The following PCTP variants were observed in gnomAD, a reference collection of about 807,000 sequenced individuals.
The protein encoded by PCTP is START domain-containing protein 2.
A neutral mutation model predicts 31.0 loss-of-function variants in PCTP; 27 were observed. That is an observed-to-expected ratio of 0.87 (90% CI 0.64 to 1.20). The LOEUF (loss-of-function observed/expected upper bound fraction) is 1.20, where lower values mean the gene tolerates loss of function less well. Among genes scored for constraint, PCTP ranks in the 50% most tolerant of loss-of-function variants. PCTP has a pLI of 0.00. For missense variants in PCTP, 287 were observed against 268.2 expected (o/e 1.07, Z -0.49); for synonymous variants, 108 against 101.2 (o/e 1.07, Z -0.40).
In PCTP at chr17:55,776,806, C is replaced by A; in HGVS notation, c.*706C>A. On this transcript the variant is annotated 3_prime_UTR_variant, in exon 6 of 6. Coordinates refer to ENST00000268896, the MANE Select transcript of PCTP (RefSeq NM_021213.4). ...GACAACCACATTTTTCCTCATCATC[C>A]ATGAGGAAATGGATGATTTCTCTTT... 9.5e-7 allele frequency: 1 copy of A among 1,048,104 alleles called. No individual in the cohort carries two copies. The highest frequency in any genetic ancestry group is 1.7e-5 in the African/African-American group (1 of 59,858). The allele number at this position is 1,048,104 out of a possible 1,614,324, so 64.9% of individuals were successfully genotyped here. A position where few individuals can be genotyped will look rare whatever the true frequency, so the allele number is the denominator to read the frequency against.
intron 1 of PCTP, among the ~76,000 whole-genome samples, chr17:55,765,017 G>C (rs1384894521): frequency 2.0e-5 from 3 of 152,178 alleles, no homozygotes; most frequent in African/African-American, 7.2e-5. Context: ...GACCCTCATG[G>C]ACAAGAATAT....
chr17:55,776,958 A>G lies in PCTP; in HGVS notation c.*858A>G. ...ATGCTTTGTGCATAGCCTTGTGAAA[A>G]AGTATCTTTCTATGCAATAAGATGA... is the stretch of plus-strand genomic sequence containing the variant. On this transcript the variant is annotated 3_prime_UTR_variant, in exon 6 of 6. Transcript: ENST00000268896. 1.0e-6 allele frequency: 1 copy of G among 986,048 alleles called. No homozygotes were observed. Among genetic ancestry groups the G allele is most frequent in the Non-Finnish European group, 1.2e-6 (1 of 830,366 alleles). 61.1% of individuals were successfully genotyped at this position (986,048 alleles called of 1,614,324 possible).
the PCTP span, among the ~76,000 whole-genome samples, chr17:55,852,542 A>T: frequency 2.6e-5 from 4 of 152,314 alleles, no homozygotes; most frequent in Non-Finnish European, 5.9e-5. Flanking sequence ...TTTACTGTAC[A>T]ATAGTTAATT....
chr17:55,811,446 G>GT (rs1912748245), intron 3 of PCTP, among the ~76,000 whole-genome samples: 1 of 152,154 alleles, frequency 6.6e-6, no homozygotes, highest in African/African-American at 2.4e-5. Context: ...CCTAGGCAGT[G>GT]TAAGAGATAG....
intron 2 of PCTP, among the ~76,000 whole-genome samples, chr17:55,784,131 C>T (rs1410052073): frequency 6.6e-6 from 1 of 152,078 alleles, no homozygotes; most frequent in Non-Finnish European, 1.5e-5. Context: ...CATCATTGGG[C>T]GAGGTGGCCT....
intron 3 of PCTP, among the ~76,000 whole-genome samples, chr17:55,794,308 T>C (rs1912109171): frequency 6.6e-6 from 1 of 150,576 alleles, no homozygotes; most frequent in South Asian, 2.1e-4. Flanking sequence ...AGTCTTCTTC[T>C]TTTTTTTTAA....
At chr17:55,842,748 T>C (rs1403838227) in exon 6 of PCTP, 1 of 152,262 alleles carries the variant, frequency 6.6e-6, no homozygotes, top group Non-Finnish European at 1.5e-5. Flanking sequence ...TACTCTTCAG[T>C]GGCTTTGTTT....
chr17:55,751,809 A>G (rs541678861), intron 1 of PCTP, among the ~76,000 whole-genome samples: 39 of 152,242 alleles, frequency 2.6e-4, no homozygotes, highest in Admixed American at 5.2e-4. Context: ...TTCAGGCAGG[A>G]GTAAAGATGT....
At chr17:55,838,100 C>T (rs1264331937) in intron 5 of PCTP, among the ~76,000 whole-genome samples, 2 of 152,158 alleles carry the variant, frequency 1.3e-5, no homozygotes, top group Non-Finnish European at 2.9e-5. Flanking sequence ...ATGATTGCAC[C>T]ATTGCACTCC....
chr17:55,799,563 G>A lies in PCTP; in HGVS notation c.317+11909G>A, dbSNP rs181593434. On this transcript the variant is annotated intron_variant, in intron 3 of 3. Transcript: ENST00000572536. ...CTGTGTCTTTTAATTGGGGCATTTA[G>A]CCTATTTACATTTAAGGTTAATATT... Among the ~76,000 whole-genome samples, 50 of 151,530 alleles carry A rather than the reference G, an allele frequency of 3.3e-4. No homozygotes were observed. In the East Asian group the frequency reaches 9.1e-3, roughly 28 times the overall value.
At chr17:55,805,917 T>TGTGTGTGTGTGTGTGTGTG (rs1159147410) in intron 3 of PCTP, among the ~76,000 whole-genome samples, 16 of 151,610 alleles carry the variant, frequency 1.1e-4, no homozygotes, top group African/African-American at 1.7e-4. Context: ...TGTGTGTGTG[T>TGTGTGTGTGTGTGTGTGTG]TTGACTTTAG....
At chr17:55,775,469 C>T in intron 5 of PCTP, 1 of 1,222,730 alleles carries the variant, frequency 8.2e-7, no homozygotes, top group Non-Finnish European at 1.0e-6. Flanking sequence ...CAAACAGACG[C>T]AATTTCAAAT....
At chr17:55,847,478 C>A (rs926418746), downstream of PCTP, among the ~76,000 whole-genome samples, 1 of 152,142 alleles carries the variant, frequency 6.6e-6, no homozygotes. Flanking sequence ...TTAAGTGTGG[C>A]ATTTCCTCAC....
chr17:55,778,068 A>G (rs1911426629), downstream of PCTP, among the ~76,000 whole-genome samples: 1 of 152,166 alleles, frequency 6.6e-6, no homozygotes. Context: ...TACTTATTTT[A>G]AAAGGTTACA....
At chr17:55,796,678 A>T (rs1912198281) in intron 3 of PCTP, among the ~76,000 whole-genome samples, 1 of 151,976 alleles carries the variant, frequency 6.6e-6, no homozygotes. Flanking sequence ...TATGATTATG[A>T]TCTCCTGTGC....
chr17:55,790,750 A>G (rs1370347177), intron 3 of PCTP, among the ~76,000 whole-genome samples: 10 of 149,396 alleles, frequency 6.7e-5, no homozygotes, highest in African/African-American at 2.0e-4. Flanking sequence ...TACAGATTCA[A>G]TGCCATCCCC....
chr17:55,767,450 A>G lies in PCTP; in HGVS notation c.257A>G (p.Lys86Arg). ...DYRKQWDQYV[K>R]ELYEQECNGE... ...AGAAAACAATGGGACCAGTATGTTAAAGGTGAGTGATGCTTGCTTTTCTTT... is the reference window on the plus strand; with the variant it reads ...AGAAAACAATGGGACCAGTATGTTAGAGGTGAGTGATGCTTGCTTTTCTTT... Residue 86 changes from lysine to arginine, a missense_variant and splice_region_variant, in exon 2 of 6, where the codon AAA becomes AGA. Transcript: ENST00000268896. 2 of 1,569,868 alleles carry G rather than the reference A, an allele frequency of 1.3e-6. No homozygotes were observed. The highest frequency in any genetic ancestry group is 2.3e-5 in the South Asian group (2 of 88,284).
rs1910724424 is a variant in PCTP at position 55,767,388 on chromosome 17, A to G, written c.195A>G (p.Pro65=). The G allele has an allele frequency of 6.2e-7, 1 of 1,613,600 alleles. No homozygotes were observed. The highest frequency in any genetic ancestry group is 8.5e-7 in the Non-Finnish European group (1 of 1,179,662). Reference sequence around the variant, plus strand: ...TTGGTGTTCTGGAGGACTGCTCACCAACTCTACTGGCAGACATCTATATGG... The same window carrying G: ...TTGGTGTTCTGGAGGACTGCTCACCGACTCTACTGGCAGACATCTATATGG... ...KVFGVLEDCS[P]TLLADIYMDS... The change falls in exon 2 of 6, where the codon CCA becomes CCG. Residue 65 remains proline, a synonymous_variant. Transcript: ENST00000268896.
At chr17:55,763,333 G>A (rs2332513) in intron 1 of PCTP, among the ~76,000 whole-genome samples, 97,325 of 152,012 alleles carry the variant, frequency 0.64, 36,170 homozygotes, top group East Asian at 0.87. Flanking sequence ...AGAGGAACTG[G>A]TGAGAGTACA....
Sources: allele counts gnomAD v4.1 joint callset (sites outside exome capture counted in the v4.1 genomes callset), GRCh38; gene constraint gnomAD v4.1.1; transcripts MANE v1.5; gene names NCBI Gene and HGNC (gene_info 2026-07-23, HGNC 2026-07-21).